Variants in SGCZ observed in about 807,000 individuals in gnomAD.
The protein encoded by SGCZ is zeta-sarcoglycan.
In SGCZ, 40 loss-of-function variants were observed where a neutral mutation model predicts 41.3. That is an observed-to-expected ratio of 0.97 (90% CI 0.75 to 1.26). SGCZ has a LOEUF of 1.26. Ranked by LOEUF, SGCZ falls within the 50% of genes most tolerant of loss-of-function variation. SGCZ has a pLI of 0.00. For synonymous variants in SGCZ, 206 were observed against 137.5 expected (o/e 1.50, Z -3.49); for missense variants, 552 against 369.8 (o/e 1.49, Z -4.04).
chr8:14,810,678 A>T (rs896659073), intron 1 of SGCZ, among the ~76,000 whole-genome samples: 12 of 152,028 alleles, frequency 7.9e-5, no homozygotes, highest in Admixed American at 5.9e-4. Flanking sequence ...AACTGGATAC[A>T]TTATTTTTCA....
At chr8:15,213,575 A>G (rs1801304647) in intron 1 of SGCZ, among the ~76,000 whole-genome samples, 2 of 151,602 alleles carry the variant, frequency 1.3e-5, no homozygotes, top group Admixed American at 1.3e-4. Flanking sequence ...AACAAAAGAA[A>G]CAAATCCTAA....
At chr8:14,868,764 A>G (rs773482478) in intron 1 of SGCZ, among the ~76,000 whole-genome samples, 1 of 151,904 alleles carries the variant, frequency 6.6e-6, no homozygotes, top group African/African-American at 2.4e-5. Flanking sequence ...TCTACTTGAA[A>G]TATAAGGACA....
At chr8:14,687,640 T>G (rs1373042796) in intron 1 of SGCZ, among the ~76,000 whole-genome samples, 2 of 151,956 alleles carry the variant, frequency 1.3e-5, no homozygotes, top group Non-Finnish European at 2.9e-5. Flanking sequence ...TTGTGAATAG[T>G]GCTGCAATAA....
At chr8:14,642,070 A>G (rs569396906) in intron 1 of SGCZ, among the ~76,000 whole-genome samples, 39 of 151,764 alleles carry the variant, frequency 2.6e-4, no homozygotes, top group African/African-American at 8.4e-4. Context: ...AGTTTGTACA[A>G]TTCACCTGGA....
intron 2 of SGCZ, among the ~76,000 whole-genome samples, chr8:14,377,613 T>G (rs1363586710): frequency 1.3e-5 from 2 of 152,058 alleles, no homozygotes; most frequent in African/African-American, 2.4e-5. Context: ...TGTGCCATGC[T>G]GGTGTGCTGC....
intron 2 of SGCZ, among the ~76,000 whole-genome samples, chr8:14,411,657 G>C (rs1042658057): frequency 1.3e-5 from 2 of 151,978 alleles, no homozygotes; most frequent in Non-Finnish European, 2.9e-5. Context: ...CTAATAAAAT[G>C]TCTAGCATAT....
intron 2 of SGCZ, among the ~76,000 whole-genome samples, chr8:14,440,675 A>G (rs1237476711): frequency 3.5e-5 from 3 of 85,930 alleles, no homozygotes; most frequent in Non-Finnish European, 8.2e-5. Flanking sequence ...CTGTATGTAT[A>G]TACATACGTA....
chr8:14,095,207 A>G (rs1380673367), intron 7 of SGCZ, among the ~76,000 whole-genome samples: 2 of 152,124 alleles, frequency 1.3e-5, no homozygotes, highest in African/African-American at 2.4e-5. Flanking sequence ...GCCCGTGCCT[A>G]TGTCAAGAAT....
At chr8:14,900,183 A>C (rs1218308327) in intron 1 of SGCZ, among the ~76,000 whole-genome samples, 1 of 152,156 alleles carries the variant, frequency 6.6e-6, no homozygotes, top group African/African-American at 2.4e-5. Flanking sequence ...GGTTTGCTAC[A>C]CAGGCTGGAA....
intron 1 of SGCZ, among the ~76,000 whole-genome samples, chr8:15,093,584 G>A (rs1006975727): frequency 2.0e-5 from 3 of 151,992 alleles, no homozygotes; most frequent in African/African-American, 7.2e-5. Context: ...TGTAAACTGT[G>A]GTATCGAATT....
At chr8:14,902,543 TA>T (rs1799001570) in intron 1 of SGCZ, among the ~76,000 whole-genome samples, 1 of 152,104 alleles carries the variant, frequency 6.6e-6, no homozygotes, top group African/African-American at 2.4e-5. Context: ...AAAATTCAAC[TA>T]AAATGGCAAG....
chr8:14,105,095 T>C (rs943601139), intron 6 of SGCZ, among the ~76,000 whole-genome samples: 1 of 152,152 alleles, frequency 6.6e-6, no homozygotes, highest in Non-Finnish European at 1.5e-5. Flanking sequence ...TTTACTGTTA[T>C]GTCTTTGTTA....
chr8:15,072,178 C>T (rs865861825), intron 1 of SGCZ, among the ~76,000 whole-genome samples: 2 of 152,198 alleles, frequency 1.3e-5, no homozygotes, highest in Middle Eastern at 3.4e-3. Context: ...GCACATGTCT[C>T]GTCCCCAGTA....
chr8:15,010,922 C>T (rs1256067164), intron 1 of SGCZ, among the ~76,000 whole-genome samples: 2 of 152,152 alleles, frequency 1.3e-5, no homozygotes, highest in Non-Finnish European at 2.9e-5. Context: ...AGATCCCTGG[C>T]TAACTTGAGA....
intron 2 of SGCZ, among the ~76,000 whole-genome samples, chr8:14,491,256 AACACACACACACTCACCCACCCACCCAC>A (rs1185345437): frequency 6.6e-6 from 1 of 151,976 alleles, no homozygotes; most frequent in Non-Finnish European, 1.5e-5. Context: ...CCACAATGTA[AACACACACACACTCACCCACCCACCCAC>A]ACACACACAC....
chr8:14,126,058 C>T (rs894286146), intron 5 of SGCZ, among the ~76,000 whole-genome samples: 1 of 152,186 alleles, frequency 6.6e-6, no homozygotes, highest in African/African-American at 2.4e-5. Context: ...ACATTCAGGA[C>T]ATAGGCATGG....
chr8:14,177,958 C>CTTTTCTTTTTTTTTTCT (rs767919994), intron 4 of SGCZ, among the ~76,000 whole-genome samples: 8 of 95,050 alleles, frequency 8.4e-5, no homozygotes, highest in Admixed American at 3.8e-4. Context: ...CTTTTTTTTT[C>CTTTTCTTTTTTTTTTCT]TTTTTTTTTT....
At chr8:15,018,808 T>G (rs951946327) in intron 1 of SGCZ, among the ~76,000 whole-genome samples, 1 of 152,166 alleles carries the variant, frequency 6.6e-6, no homozygotes, top group African/African-American at 2.4e-5. Flanking sequence ...AAAAGAAGTT[T>G]AATTGGCTCA....
intron 1 of SGCZ, among the ~76,000 whole-genome samples, chr8:15,166,545 G>T (rs1799672158): frequency 6.6e-6 from 1 of 152,126 alleles, no homozygotes; most frequent in African/African-American, 2.4e-5. Context: ...ACCACGCCTG[G>T]CCGATGCACA....
Sources: allele counts gnomAD v4.1 joint callset (sites outside exome capture counted in the v4.1 genomes callset), GRCh38; gene constraint gnomAD v4.1.1; transcripts MANE v1.5; gene names NCBI Gene and HGNC (gene_info 2026-07-23, HGNC 2026-07-21).